The following ARHGEF10L variants were observed in gnomAD, a reference collection of about 807,000 sequenced individuals.
ARHGEF10L encodes rho guanine nucleotide exchange factor 10-like protein.
ARHGEF10L carries 69 observed loss-of-function variants against 141.2 expected under a neutral mutation model. That is an observed-to-expected ratio of 0.49 (90% CI 0.40 to 0.60). The LOEUF is 0.60. Among genes scored for constraint, ARHGEF10L ranks in the 20% least tolerant of loss-of-function variants. The probability of loss-of-function intolerance (pLI) is 0.00; values close to 1 mark genes in which losing one functional copy is unlikely to be tolerated. For missense variants in ARHGEF10L, 1,482 were observed against 1,734.3 expected (o/e 0.85, Z 2.58); for synonymous variants, 711 against 718.5 (o/e 0.99, Z 0.17).
chr1:17,637,856 C>T, intron 18 of ARHGEF10L, 32 bp from the exon 19 acceptor site: 2 of 1,547,274 alleles, frequency 1.3e-6, no homozygotes, highest in Non-Finnish European at 1.8e-6. Flanking sequence ...AGCGCCTTCA[C>T]CTGTGCCTGA....
chr1:17,575,930 G>T (rs1373447183), intron 1 of ARHGEF10L, among the ~76,000 whole-genome samples: 1 of 152,208 alleles, frequency 6.6e-6, no homozygotes, highest in Non-Finnish European at 1.5e-5. Flanking sequence ...GCGTGCTTGG[G>T]CCAGAACCGA....
At position 17,619,364 on chromosome 1, in the gene ARHGEF10L, G is replaced by T. The variant is rs536435630; in HGVS notation, c.861G>T (p.Gly287=). 1.2e-6 allele frequency: 2 copies of T among 1,613,146 alleles called. No individual in the cohort carries two copies. Among genetic ancestry groups the T allele is most frequent in the African/African-American group, 2.7e-5 (2 of 74,912 alleles). Reference sequence around the variant, plus strand: ...GTGACTCGGAGGAGGAGGACATGGGGCTCCTGGAGGTCAGCGTTTCGGACA... The same window carrying T: ...GTGACTCGGAGGAGGAGGACATGGGTCTCCTGGAGGTCAGCGTTTCGGACA... ...VLGDSEEEDM[G]LLEVSVSDIK... Residue 287 remains glycine, a synonymous_variant, in exon 10 of 29, where the codon GGG becomes GGT. Transcript: ENST00000361221. The surrounding 1 kb of genome is among the most constrained non-coding windows in gnomAD (Gnocchi z 5.0).
intron 13 of ARHGEF10L, 30 bp downstream of exon 13, chr1:17,624,533 TCAGGGTGGG>T: frequency 6.4e-7 from 1 of 1,573,312 alleles, no homozygotes; most frequent in Non-Finnish European, 8.7e-7. Flanking sequence ...CCGTGCCTGG[TCAGGGTGGG>T]CAGGGAGATT....
chr1:17,525,761 G>A, the ARHGEF10L span, among the ~76,000 whole-genome samples: 1 of 151,982 alleles, frequency 6.6e-6, no homozygotes, highest in African/African-American at 2.4e-5. Context: ...CCAGCACTTT[G>A]GGGGGCTGAG....
At chr1:17,540,774 A>C (rs897787686) in intron 1 of ARHGEF10L, among the ~76,000 whole-genome samples, 76 of 152,182 alleles carry the variant, frequency 5.0e-4, no homozygotes, top group African/African-American at 1.7e-3. Context: ...TTTGGAGCTC[A>C]GTTTCTGCCC....
chr1:17,666,174 C>T (rs144170876), intron 26 of ARHGEF10L, among the ~76,000 whole-genome samples: 1 of 152,344 alleles, frequency 6.6e-6, no homozygotes, highest in East Asian at 1.9e-4. Context: ...CTCACAGACA[C>T]ACTCAGAGCC....
At chr1:17,602,478 C>T (rs1364365277) in intron 5 of ARHGEF10L, among the ~76,000 whole-genome samples, 1 of 152,162 alleles carries the variant, frequency 6.6e-6, no homozygotes, top group Non-Finnish European at 1.5e-5. Flanking sequence ...GGTGGGAGTG[C>T]CCTGGGGACC....
chr1:17,664,412 C>T, intron 25 of ARHGEF10L, 35 bp from the exon 26 acceptor site: 2 of 1,591,716 alleles, frequency 1.3e-6, no homozygotes, highest in East Asian at 2.2e-5. Flanking sequence ...CTTGCCGCTC[C>T]TGGCCCCTGA....
At chr1:17,579,707 T>G (rs1057195450) in intron 1 of ARHGEF10L, among the ~76,000 whole-genome samples, 1 of 152,184 alleles carries the variant, frequency 6.6e-6, no homozygotes, top group Admixed American at 6.5e-5. Context: ...CTGGGCAGAT[T>G]AGACCAGGGG....
the ARHGEF10L span, among the ~76,000 whole-genome samples, chr1:17,518,082 T>C: frequency 2.6e-5 from 4 of 152,234 alleles, no homozygotes; most frequent in Non-Finnish European, 5.9e-5. Context: ...TCAAATGTGT[T>C]GTTGTGTCTC....
rs1012535412 is a variant in ARHGEF10L at position 17,558,622 on chromosome 1, A to T, written c.-44+18672A>T. 1.3e-5 allele frequency among the ~76,000 whole-genome samples: 2 copies of T among 152,228 alleles called. No individual in the cohort carries two copies. Among genetic ancestry groups the T allele is most frequent in the African/African-American group, 4.8e-5 (2 of 41,464 alleles). ...CCCTGGAAGGGTCTTGCCTTTGGGA[A>T]GGCAGGTCATCGTGGCTGGGGCAGG... On this transcript the variant is annotated intron_variant, in intron 1 of 28. Coordinates refer to ENST00000361221, the MANE Select transcript of ARHGEF10L (RefSeq NM_018125.4). This position sits in a 1 kb window ranked among gnomAD's most constrained non-coding sequence, Gnocchi z 4.2.
rs759241252 is a variant in ARHGEF10L, at chr1:17,613,132, G to A, written c.684G>A (p.Gly228=). The change falls in exon 8 of 29, where the codon GGG becomes GGA. Residue 228 remains glycine, a synonymous_variant. Coordinates refer to ENST00000361221, the MANE Select transcript of ARHGEF10L (RefSeq NM_018125.4). ...GAGACATCTTGGCTTTGAGAGTTGG[G>A]GGGAGAGACATGCAGGAGCTGAAGC... is the stretch of plus-strand genomic sequence containing the variant. The part of the protein sequence containing the change: ...TKRDILALRV[G]GRDMQELKHK... 3.7e-6 allele frequency: 6 copies of A among 1,613,820 alleles called. No homozygotes were observed. The highest frequency in any genetic ancestry group is 2.2e-5 in the East Asian group (1 of 44,888).
At position 17,615,936 on chromosome 1, in the gene ARHGEF10L, A is replaced by AC; in HGVS notation, c.727-153dup. ...TCCCCGGGCATGAACGCACCTTCTC[A>AC]CCCCCACTGTCGTCCTTGGCCTTTG... On this transcript the variant is annotated intron_variant, in intron 8 of 28. Coordinates refer to ENST00000361221, the MANE Select transcript of ARHGEF10L (RefSeq NM_018125.4). This position sits in a 1 kb window ranked among gnomAD's most constrained non-coding sequence, Gnocchi z 4.7. 1.6e-6 allele frequency: 1 copy of AC among 640,352 alleles called. No individual in the cohort carries two copies. Among genetic ancestry groups the AC allele is most frequent in the Non-Finnish European group, 2.8e-6 (1 of 351,254 alleles). 39.7% of individuals were successfully genotyped at this position (640,352 alleles called of 1,614,324 possible). A position where few individuals can be genotyped will look rare whatever the true frequency, so the allele number is the denominator to read the frequency against.
chr1:17,688,438 G>T (rs749152838), intron 27 of ARHGEF10L, among the ~76,000 whole-genome samples: 4 of 152,224 alleles, frequency 2.6e-5, no homozygotes, highest in Non-Finnish European at 5.9e-5. Flanking sequence ...ACCCCAGCTG[G>T]CTTCAGAGCA....
chr1:17,525,493 C>T, the ARHGEF10L span, among the ~76,000 whole-genome samples: 1 of 152,018 alleles, frequency 6.6e-6, no homozygotes, highest in East Asian at 1.9e-4. Flanking sequence ...AGGATGTTGG[C>T]TTGAGCCATG....
the ARHGEF10L span, among the ~76,000 whole-genome samples, chr1:17,520,921 C>T: frequency 2.9e-4 from 44 of 152,260 alleles, no homozygotes; most frequent in African/African-American, 1.0e-3. Flanking sequence ...GGTTGGAAGG[C>T]GGACTGGCTG....
intron 4 of ARHGEF10L, among the ~76,000 whole-genome samples, chr1:17,592,912 C>T (rs2079691708): frequency 6.6e-6 from 1 of 152,154 alleles, no homozygotes; most frequent in African/African-American, 2.4e-5. Context: ...TCTTTCTTTC[C>T]ATTAAAAATC....
In ARHGEF10L at chr1:17,576,096, C is replaced by T. The variant is rs540011154; in HGVS notation, c.-43-4457C>T. On this transcript the variant is annotated intron_variant, in intron 1 of 28. Transcript: ENST00000361221. ...CGACTTGCGCAGCCTTCCAGACTTT[C>T]AGGGCCCCCAAGTGTTTTCTTCCTC... 5.3e-5 allele frequency among the ~76,000 whole-genome samples: 8 copies of T among 152,198 alleles called. No homozygotes were observed. In the East Asian group the frequency reaches 1.6e-3, roughly 30 times the overall value.
At chr1:17,560,436 T>G (rs2077499882) in intron 1 of ARHGEF10L, among the ~76,000 whole-genome samples, 1 of 152,208 alleles carries the variant, frequency 6.6e-6, no homozygotes, top group African/African-American at 2.4e-5. Flanking sequence ...TGCCTGGGCC[T>G]CAAATGCCCC....
Sources: allele counts gnomAD v4.1 joint callset (sites outside exome capture counted in the v4.1 genomes callset), GRCh38; gene constraint gnomAD v4.1.1; non-coding constraint Gnocchi (gnomAD v3.1); transcripts MANE v1.5; gene names NCBI Gene and HGNC (gene_info 2026-07-23, HGNC 2026-07-21).